Variants in C8orf34 observed in about 807,000 individuals in gnomAD.
C8orf34 encodes the protein chromosome 8 open reading frame 34, also known as uncharacterized protein C8orf34.
In C8orf34, 65 loss-of-function variants were observed where a neutral mutation model predicts 68.3. The observed-to-expected ratio is 0.95, with a 90% CI of 0.78 to 1.17. C8orf34 has a LOEUF of 1.17. Among genes scored for constraint, C8orf34 ranks in the 50% most tolerant of loss-of-function variants. The pLI, the probability that C8orf34 is intolerant of heterozygous loss-of-function variation, is 0.00. For missense variants in C8orf34, 664 were observed against 655.4 expected, an observed-to-expected ratio of 1.01 and a Z score of -0.14; for synonymous variants, 244 against 241.2, an observed-to-expected ratio of 1.01 and a Z score of -0.11.
At chr8:68,610,278 A>G (rs988296746) in intron 7 of C8orf34, among the ~76,000 whole-genome samples, 1 of 152,072 alleles carries the variant, frequency 6.6e-6, no homozygotes, top group Non-Finnish European at 1.5e-5. Flanking sequence ...TAATTCATGA[A>G]GCTAATTATG....
At chr8:68,446,252 A>T in intron 2 of C8orf34, 77 bp from the exon 3 acceptor site, 1 of 1,240,696 alleles carries the variant, frequency 8.1e-7, no homozygotes. Flanking sequence ...AAGTATATTT[A>T]ATGACTTCGT....
intron 12 of C8orf34, among the ~76,000 whole-genome samples, chr8:68,799,017 T>C (rs1054129724): frequency 6.6e-6 from 1 of 152,144 alleles, no homozygotes; most frequent in Non-Finnish European, 1.5e-5. Flanking sequence ...GAAAATGTCA[T>C]AACAAGCATC....
intron 1 of C8orf34, among the ~76,000 whole-genome samples, chr8:68,430,122 C>T (rs1414307289): frequency 2.0e-5 from 3 of 152,068 alleles, no homozygotes; most frequent in East Asian, 1.9e-4. Context: ...GAGCCAATCA[C>T]CAATGGCCAA....
chr8:68,569,649 C>T (rs936785601), intron 7 of C8orf34, among the ~76,000 whole-genome samples: 1 of 152,166 alleles, frequency 6.6e-6, no homozygotes. Flanking sequence ...CATCCTTAAC[C>T]CTGAGTGCTA....
intron 12 of C8orf34, among the ~76,000 whole-genome samples, chr8:68,809,701 C>CTT (rs1824588880): frequency 6.6e-6 from 1 of 152,216 alleles, no homozygotes; most frequent in Non-Finnish European, 1.5e-5. Context: ...AACCTACCTC[C>CTT]TTTTTCCTCC....
upstream of C8orf34, chr8:68,330,913 T>C: frequency 1.0e-6 from 1 of 998,396 alleles, no homozygotes. Context: ...TTCCTGCTGC[T>C]GCCGCCCAGA....
intron 7 of C8orf34, among the ~76,000 whole-genome samples, chr8:68,624,699 G>A (rs1350217233): frequency 4.6e-5 from 2 of 43,338 alleles, no homozygotes; most frequent in East Asian, 1.2e-3. Context: ...TAGCGATACA[G>A]CAGCGAATAT....
At chr8:68,372,283 A>C (rs1311241566) in intron 1 of C8orf34, among the ~76,000 whole-genome samples, 5 of 152,188 alleles carry the variant, frequency 3.3e-5, no homozygotes, top group African/African-American at 1.2e-4. Flanking sequence ...ACAGGGAAAA[A>C]CTGGGATAAC....
intron 7 of C8orf34, among the ~76,000 whole-genome samples, chr8:68,617,190 G>A (rs530461889): frequency 2.0e-5 from 3 of 152,126 alleles, no homozygotes; most frequent in Non-Finnish European, 4.4e-5. Flanking sequence ...GTCTCTGCAC[G>A]TGAGAAGGGT....
At chr8:68,412,826 C>A (rs753433123) in intron 1 of C8orf34, among the ~76,000 whole-genome samples, 8 of 152,152 alleles carry the variant, frequency 5.3e-5, no homozygotes, top group Non-Finnish European at 8.8e-5. Context: ...CCAACCCCAA[C>A]GACTTTTCGA....
intron 7 of C8orf34, among the ~76,000 whole-genome samples, chr8:68,606,321 C>T (rs1817851872): frequency 6.6e-6 from 1 of 152,108 alleles, no homozygotes; most frequent in South Asian, 2.1e-4. Flanking sequence ...TTTTACATCC[C>T]AGTGCCTGGA....
chr8:68,335,056 C>T (rs969532944), intron 1 of C8orf34, among the ~76,000 whole-genome samples: 3 of 152,072 alleles, frequency 2.0e-5, no homozygotes, highest in South Asian at 2.1e-4. Context: ...GTAGTGTCTG[C>T]GGAGATCTCC....
chr8:68,543,389 T>C (rs1386938261), intron 7 of C8orf34, among the ~76,000 whole-genome samples: 1 of 152,152 alleles, frequency 6.6e-6, no homozygotes, highest in Non-Finnish European at 1.5e-5. Flanking sequence ...TAAATAAATA[T>C]TACCTTGGAA....
intron 1 of C8orf34, among the ~76,000 whole-genome samples, chr8:68,382,445 C>A (rs1018858583): frequency 6.6e-6 from 1 of 152,178 alleles, no homozygotes; most frequent in Non-Finnish European, 1.5e-5. Context: ...TTCTCACTAG[C>A]CAGATTTCAA....
intron 5 of C8orf34, among the ~76,000 whole-genome samples, chr8:68,493,661 CAATGTAAGAGCATT>C (rs1813405855): frequency 6.6e-6 from 1 of 152,138 alleles, no homozygotes; most frequent in African/African-American, 2.4e-5. Flanking sequence ...ATGTAATCCC[CAATGTAAGAGCATT>C]AAGAAGCAGG....
At chr8:68,787,085 T>C (rs1329083542) in intron 11 of C8orf34, among the ~76,000 whole-genome samples, 1 of 152,216 alleles carries the variant, frequency 6.6e-6, no homozygotes, top group Non-Finnish European at 1.5e-5. Context: ...TAAAGGGAAT[T>C]TGAAACCTTG....
chr8:68,461,474 C>T (rs1811822400), intron 3 of C8orf34, among the ~76,000 whole-genome samples: 1 of 151,968 alleles, frequency 6.6e-6, no homozygotes, highest in African/African-American at 2.4e-5. Context: ...AGAGCAACTC[C>T]AAGACATATA....
Position 68,449,424 on chromosome 8 carries a change from T to C in C8orf34, c.607+2964T>C, listed in dbSNP as rs192998682. 2.0e-4 allele frequency among the ~76,000 whole-genome samples: 30 copies of C among 152,170 alleles called. 2 individuals carry two copies. Among genetic ancestry groups the C allele is most frequent in the Middle Eastern group, 3.4e-3 (1 of 294 alleles). On this transcript the variant is annotated intron_variant, in intron 3 of 13. Coordinates refer to ENST00000518698, the MANE Select transcript of C8orf34 (RefSeq NM_052958.4). ...AAAAGGAAATCATGTACCCAGTAAGTAGTGACTCAACGTTCCCACCTCCTA... is the reference window on the plus strand; with the variant it reads ...AAAAGGAAATCATGTACCCAGTAAGCAGTGACTCAACGTTCCCACCTCCTA...
intron 1 of C8orf34, among the ~76,000 whole-genome samples, chr8:68,430,777 T>C (rs1810420531): frequency 6.6e-6 from 1 of 152,132 alleles, no homozygotes; most frequent in African/African-American, 2.4e-5. Context: ...GAATATTCTC[T>C]TGGGGGATGA....
Sources: gnomAD v4.1 joint callset for allele counts (sites outside exome capture counted in the v4.1 genomes callset) on GRCh38, gnomAD v4.1.1 for gene constraint, MANE v1.5 for transcripts, NCBI Gene and HGNC (gene_info 2026-07-23, HGNC 2026-07-21) for gene names.